The following BAALC variants were observed in gnomAD, a reference collection of about 807,000 sequenced individuals.
The protein encoded by BAALC is brain and acute leukemia cytoplasmic protein.
Under a neutral mutation model 15.5 loss-of-function variants are expected in BAALC, and 9 were observed. The observed-to-expected ratio is 0.58, with a 90% CI of 0.35 to 1.02. BAALC has a LOEUF of 1.02. Ranked by LOEUF, BAALC falls within the 50% of genes least tolerant of loss-of-function variation. BAALC has a pLI of 0.02. For synonymous variants in BAALC, 80 were observed against 74.6 expected, an observed-to-expected ratio of 1.07 and a Z score of -0.37; for missense variants, 201 against 192.4, an observed-to-expected ratio of 1.04 and a Z score of -0.27.
chr8:103,226,311 T>C (rs1335472555), intron 2 of BAALC, among the ~76,000 whole-genome samples: 1 of 152,380 alleles, frequency 6.6e-6, no homozygotes, highest in East Asian at 1.9e-4. Flanking sequence ...GGAGCTGACC[T>C]GTTTAGGGCC....
At chr8:103,222,749 G>A (rs1009632691) in intron 2 of BAALC, among the ~76,000 whole-genome samples, 3 of 152,012 alleles carry the variant, frequency 2.0e-5, no homozygotes. Context: ...GGAACTTTTT[G>A]AGCCCATATC....
At chr8:103,153,065 C>G (rs1048634277) in intron 1 of BAALC, 3 of 152,082 alleles carry the variant, frequency 2.0e-5, no homozygotes, top group African/African-American at 7.2e-5. Context: ...AGCTTTTTAC[C>G]CTATATTGAC....
At chr8:103,147,880 C>T (rs529172010) in intron 1 of BAALC, among the ~76,000 whole-genome samples, 2 of 152,288 alleles carry the variant, frequency 1.3e-5, no homozygotes, top group South Asian at 4.1e-4. Context: ...AGGGGTTTAC[C>T]CTGAGCCCAA....
At chr8:103,150,992 A>G (rs926527727) in intron 1 of BAALC, among the ~76,000 whole-genome samples, 1 of 151,356 alleles carries the variant, frequency 6.6e-6, no homozygotes, top group African/African-American at 2.4e-5. Flanking sequence ...TGGAGATAAT[A>G]TAATAGTTGC....
chr8:103,218,639 G>A (rs951287153), intron 2 of BAALC, among the ~76,000 whole-genome samples: 13 of 151,940 alleles, frequency 8.6e-5, no homozygotes, highest in Admixed American at 7.9e-4. Context: ...AGTAGAAAAG[G>A]CTCTGACATG....
At chr8:103,192,407 C>T (rs1390683889) in intron 1 of BAALC, among the ~76,000 whole-genome samples, 1 of 152,214 alleles carries the variant, frequency 6.6e-6, no homozygotes, top group Admixed American at 6.5e-5. Context: ...AAACATAATC[C>T]TGTTCATCCT....
chr8:103,199,079 A>G (rs1482634531), intron 1 of BAALC, among the ~76,000 whole-genome samples: 1 of 152,214 alleles, frequency 6.6e-6, no homozygotes, highest in Non-Finnish European at 1.5e-5. Flanking sequence ...TACATTGATT[A>G]TATTTTTCAT....
At chr8:103,164,370 A>G (rs574892203) in intron 1 of BAALC, among the ~76,000 whole-genome samples, 1 of 152,294 alleles carries the variant, frequency 6.6e-6, no homozygotes, top group African/African-American at 2.4e-5. Context: ...TCCAGTGTCA[A>G]CGGAAGCAGG....
At chr8:103,148,010 ATGT>A (rs887875586) in intron 1 of BAALC, among the ~76,000 whole-genome samples, 1 of 152,132 alleles carries the variant, frequency 6.6e-6, no homozygotes, top group African/African-American at 2.4e-5. Flanking sequence ...TTCTTTTAGA[ATGT>A]TGTTATGTGC....
intron 2 of BAALC, chr8:103,219,396 C>T (rs1423628451): frequency 6.6e-6 from 1 of 152,430 alleles, no homozygotes; most frequent in Non-Finnish European, 1.5e-5. Flanking sequence ...TCAACCCCAC[C>T]CATCCCAGCT....
In BAALC at chr8:103,193,050, C is replaced by T. The variant is rs180890846; in HGVS notation, c.161-19869C>T. Among the ~76,000 whole-genome samples, 7 of 151,772 alleles carry T rather than the reference C, an allele frequency of 4.6e-5. No individual in the cohort carries two copies. The East Asian group carries it at 5.8e-4, about 13-fold the overall frequency. ...ACTCCACGATCTGCAACCCCCTGGTCTGTTTTTCTAGGGCTCTGTCCACTT... is the reference window on the plus strand; with the variant it reads ...ACTCCACGATCTGCAACCCCCTGGTTTGTTTTTCTAGGGCTCTGTCCACTT... On this transcript the variant is annotated intron_variant, in intron 1 of 2. Transcript: ENST00000309982.
At chr8:103,201,780 C>A (rs2130033514) in intron 1 of BAALC, among the ~76,000 whole-genome samples, 1 of 152,282 alleles carries the variant, frequency 6.6e-6, no homozygotes, top group East Asian at 1.9e-4. Context: ...AAACCCAGCA[C>A]CCAGCATAGA....
At chr8:103,150,488 C>A (rs1810963510) in intron 1 of BAALC, among the ~76,000 whole-genome samples, 1 of 152,124 alleles carries the variant, frequency 6.6e-6, no homozygotes, top group East Asian at 1.9e-4. Context: ...CATAGGCTTC[C>A]AGCTCTAGGT....
intron 1 of BAALC, among the ~76,000 whole-genome samples, chr8:103,147,888 C>T (rs1360856924): frequency 1.3e-5 from 2 of 152,308 alleles, no homozygotes; most frequent in East Asian, 1.9e-4. Flanking sequence ...ACCCTGAGCC[C>T]AATCATGATA....
At chr8:103,191,454 G>A (rs183436439) in intron 1 of BAALC, 1 of 152,176 alleles carries the variant, frequency 6.6e-6, no homozygotes, top group East Asian at 1.9e-4. Flanking sequence ...TCTCTGCAGG[G>A]TGATCCAGAT....
At chr8:103,207,027 C>T (rs139786549) in intron 1 of BAALC, among the ~76,000 whole-genome samples, 2 of 152,272 alleles carry the variant, frequency 1.3e-5, no homozygotes, top group Admixed American at 1.3e-4. Context: ...TCCCTTCAGT[C>T]AAGGGCAAGC....
chr8:103,156,643 G>A (rs1182729461), intron 1 of BAALC, among the ~76,000 whole-genome samples: 1 of 152,174 alleles, frequency 6.6e-6, no homozygotes, highest in East Asian at 1.9e-4. Context: ...CAGGCGTGAG[G>A]AATAATTATC....
At chr8:103,227,663 C>G in intron 2 of BAALC, among the ~76,000 whole-genome samples, 1 of 152,074 alleles carries the variant, frequency 6.6e-6, no homozygotes, top group South Asian at 2.1e-4. Flanking sequence ...TTCCTCTATC[C>G]CCTCCTTTCA....
chr8:103,184,740 A>C (rs879836654), intron 1 of BAALC, among the ~76,000 whole-genome samples: 16 of 152,270 alleles, frequency 1.1e-4, no homozygotes, highest in Non-Finnish European at 2.1e-4. Flanking sequence ...AAGCTAAAGA[A>C]GTTCAACTTA....
Sources: gnomAD v4.1 joint callset for allele counts (sites outside exome capture counted in the v4.1 genomes callset) on GRCh38, gnomAD v4.1.1 for gene constraint, MANE v1.5 for transcripts, NCBI Gene and HGNC (gene_info 2026-07-23, HGNC 2026-07-21) for gene names.